Variants in TSNARE1 observed in about 807,000 individuals in gnomAD.
TSNARE1 encodes the protein t-SNARE domain containing 1.
TSNARE1 carries 49 observed loss-of-function variants against 62.0 expected under a neutral mutation model. The ratio of observed to expected loss-of-function variants is 0.79; its 90% CI spans 0.63 to 1.00. The LOEUF (loss-of-function observed/expected upper bound fraction) is 1.00. TSNARE1 is among the 50% of genes least tolerant of loss of function. The pLI, the probability that TSNARE1 is intolerant of heterozygous loss-of-function variation, is 0.00. For missense variants in TSNARE1, 755 were observed against 700.1 expected, an observed-to-expected ratio of 1.08 and a Z score of -0.88; for synonymous variants, 328 against 294.4, an observed-to-expected ratio of 1.11 and a Z score of -1.17.
chr8:142,315,593 C>CAGAGCT (rs1563896284), intron 7 of TSNARE1, among the ~76,000 whole-genome samples: 1 of 149,056 alleles, frequency 6.7e-6, no homozygotes, highest in African/African-American at 2.6e-5. Flanking sequence ...GCACCTGCTT[C>CAGAGCT]AGAGCTGGAG....
At chr8:142,402,093 G>C (rs1448755434) in intron 1 of TSNARE1, among the ~76,000 whole-genome samples, 1 of 152,166 alleles carries the variant, frequency 6.6e-6, no homozygotes, top group Non-Finnish European at 1.5e-5. Context: ...ACCGGAAGCG[G>C]AGCTGCCCCC....
intron 11 of TSNARE1, among the ~76,000 whole-genome samples, chr8:142,280,939 T>C (rs144679666): frequency 6.6e-6 from 1 of 152,134 alleles, no homozygotes; most frequent in African/African-American, 2.4e-5. Flanking sequence ...TCCGAGGGGA[T>C]TGAGGGGCCG....
intron 1 of TSNARE1, among the ~76,000 whole-genome samples, chr8:142,402,251 G>A (rs1838347098): frequency 6.6e-6 from 1 of 152,098 alleles, no homozygotes; most frequent in African/African-American, 2.4e-5. Context: ...ATTTTGAGCC[G>A]CACCACACCG....
intron 4 of TSNARE1, among the ~76,000 whole-genome samples, chr8:142,342,302 G>C (rs552032732): frequency 3.3e-5 from 5 of 152,368 alleles, no homozygotes; most frequent in South Asian, 2.1e-4. Context: ...CCCGTGACCA[G>C]AGATGCCTAC....
intron 12 of TSNARE1, among the ~76,000 whole-genome samples, chr8:142,261,556 G>A (rs764486862): frequency 5.9e-5 from 9 of 152,134 alleles, no homozygotes; most frequent in East Asian, 1.9e-4. Context: ...CTGCACAGGC[G>A]CTGTGATGCC....
chr8:142,340,978 G>A (rs1586905039), intron 4 of TSNARE1, among the ~76,000 whole-genome samples: 1 of 152,364 alleles, frequency 6.6e-6, no homozygotes, highest in East Asian at 1.9e-4. Context: ...ATACACTTTA[G>A]GGAGCCTGTT....
At chr8:142,332,984 A>T (rs531281436) in intron 4 of TSNARE1, among the ~76,000 whole-genome samples, 2 of 152,254 alleles carry the variant, frequency 1.3e-5, no homozygotes, top group Non-Finnish European at 2.9e-5. Context: ...AGGAAACTCC[A>T]GGCACGCAAC....
intron 4 of TSNARE1, among the ~76,000 whole-genome samples, chr8:142,341,361 C>G (rs72614027): frequency 6.6e-6 from 1 of 152,188 alleles, no homozygotes; most frequent in African/African-American, 2.4e-5. Flanking sequence ...CTCCTGTTCA[C>G]AGGAAATAAA....
intron 12 of TSNARE1, among the ~76,000 whole-genome samples, chr8:142,231,963 C>T (rs1027458777): frequency 1.3e-5 from 2 of 152,206 alleles, no homozygotes; most frequent in Admixed American, 1.3e-4. Flanking sequence ...ACTCCTGAGA[C>T]GGAGCCTGAG....
rs1454356285 is a variant in TSNARE1, at chr8:142,330,932, G to C, written c.862C>G (p.Pro288Ala). 6.2e-7 allele frequency: 1 copy of C among 1,613,990 alleles called. No individual in the cohort carries two copies. The highest frequency in any genetic ancestry group is 2.2e-5 in the East Asian group (1 of 44,894). Residue 288 changes from proline to alanine, a missense_variant, in exon 6 of 14, where the codon CCG (proline) becomes GCG (alanine). By Grantham distance (27) the Pro-to-Ala change is conservative (BLOSUM62 -1). Coordinates refer to ENST00000524325, the MANE Select transcript of TSNARE1 (RefSeq NM_145003.5). ...TCCCGAAGCTCCTGCGTGTCACTCG[G>C]TGTCCCTAAGGACTGAAGGCTCCGC... ...LERSLQSLGT[P>A]SDTQELRDSL...
chr8:142,383,445 C>T (rs1403070015), intron 1 of TSNARE1, among the ~76,000 whole-genome samples: 1 of 151,012 alleles, frequency 6.6e-6, no homozygotes. Context: ...AAATGCCAGA[C>T]AGCCATCCTC....
rs114275014 is a variant in TSNARE1, at chr8:142,347,117, G to T, written c.89-1225C>A. Among the ~76,000 whole-genome samples, 952 of 152,316 alleles carry T rather than the reference G, an allele frequency of 6.3e-3. 9 individuals carry two copies. Among genetic ancestry groups the T allele is most frequent in the African/African-American group, 0.021 (873 of 41,580 alleles). ...TCACCCTCCAGCTCTGGGCCCTGGT[G>T]GGGGGAAGAGGGAGAAGCCTGCAGA... is the stretch of plus-strand genomic sequence containing the variant. On this transcript the variant is annotated intron_variant, in intron 2 of 13. Coordinates refer to ENST00000524325, the MANE Select transcript of TSNARE1 (RefSeq NM_145003.5).
chr8:142,351,136 GCACATGTACCGCCACACTGGC>G (rs1238232646), intron 2 of TSNARE1, among the ~76,000 whole-genome samples: 1 of 152,230 alleles, frequency 6.6e-6, no homozygotes, highest in African/African-American at 2.4e-5. Context: ...CAGTTTGGGG[GCACATGTACCGCCACACTGGC>G]CACGAGCAGT....
intron 13 of TSNARE1, among the ~76,000 whole-genome samples, chr8:142,222,102 C>CCTTCACTCACTCACCCACTCATT (rs1554623953): frequency 8.0e-6 from 1 of 124,516 alleles, no homozygotes; most frequent in African/African-American, 3.2e-5. Flanking sequence ...CTCATCCACT[C>CCTTCACTCACTCACCCACTCATT]CACTCACTCA....
At chr8:142,221,418 A>G (rs1313057737) in intron 13 of TSNARE1, among the ~76,000 whole-genome samples, 1 of 152,236 alleles carries the variant, frequency 6.6e-6, no homozygotes, top group Non-Finnish European at 1.5e-5. Flanking sequence ...TTTGAGGCTG[A>G]TATCTCACAG....
chr8:142,275,054 C>T (rs1012209044), intron 11 of TSNARE1, 191 bp from the exon 12 acceptor site: 2 of 985,264 alleles, frequency 2.0e-6, no homozygotes, highest in South Asian at 9.4e-5. Context: ...GCAGCAATGA[C>T]ATTAGAACGG....
At chr8:142,261,428 A>G (rs1332014636) in intron 12 of TSNARE1, among the ~76,000 whole-genome samples, 3 of 144,258 alleles carry the variant, frequency 2.1e-5, no homozygotes, top group East Asian at 4.4e-4. Flanking sequence ...AGGAGGGATG[A>G]AGGAGAGAGG....
chr8:142,282,092 G>A (rs1293920607), intron 11 of TSNARE1, among the ~76,000 whole-genome samples: 1 of 152,228 alleles, frequency 6.6e-6, no homozygotes, highest in Non-Finnish European at 1.5e-5. Flanking sequence ...GCAGAGCTGA[G>A]GGCCCACGGT....
intron 11 of TSNARE1, chr8:142,278,929 C>T (rs75013726): frequency 3.5e-5 from 14 of 398,186 alleles, no homozygotes; most frequent in African/African-American, 2.6e-4. Context: ...AACTCCTCAA[C>T]GTGACCAATG....
Sources: allele counts gnomAD v4.1 joint callset (sites outside exome capture counted in the v4.1 genomes callset), GRCh38; gene constraint gnomAD v4.1.1; transcripts MANE v1.5; gene names NCBI Gene and HGNC (gene_info 2026-07-23, HGNC 2026-07-21).